The following KLHL29 variants were observed in gnomAD, a reference collection of about 807,000 sequenced individuals.
KLHL29 encodes the protein kelch like family member 29, also known as kelch-like protein 29.
A neutral mutation model predicts 80.4 loss-of-function variants in KLHL29; 21 were observed. That is an observed-to-expected ratio of 0.26 (90% CI 0.19 to 0.38). KLHL29 has a LOEUF of 0.38. KLHL29 is among the 10% of genes least tolerant of loss of function. The pLI, the probability that KLHL29 is intolerant of heterozygous loss-of-function variation, is 1.00. For missense variants in KLHL29, 867 were observed against 1,223.9 expected, an observed-to-expected ratio of 0.71 and a Z score of 4.35; for synonymous variants, 511 against 526.8, an observed-to-expected ratio of 0.97 and a Z score of 0.41.
At chr2:23,664,798 G>A (rs1289379373) in intron 5 of KLHL29, among the ~76,000 whole-genome samples, 1 of 151,794 alleles carries the variant, frequency 6.6e-6, no homozygotes, top group Non-Finnish European at 1.5e-5. Flanking sequence ...CATTGGCAGG[G>A]CCAACCACCA....
intron 1 of KLHL29, among the ~76,000 whole-genome samples, chr2:23,388,991 T>TC (rs1553317241): frequency 6.2e-4 from 38 of 61,366 alleles, no homozygotes; most frequent in African/African-American, 2.4e-3. Flanking sequence ...TTCTTCTTCT[T>TC]TTTTTTTTTT....
At position 23,554,490 on chromosome 2, in the gene KLHL29, C is replaced by T. The variant is rs539036500; in HGVS notation, c.-45-7662C>T. On this transcript the variant is annotated intron_variant, in intron 2 of 13. Transcript: ENST00000486442. ...CTTCGGGGCCCTCACAGCCGGCCGC[C>T]CACTCCTTCGGCGTGTCTTAATGAT... 3.3e-5 allele frequency among the ~76,000 whole-genome samples: 5 copies of T among 152,266 alleles called. No homozygotes were observed. In the East Asian group the frequency reaches 9.6e-4, roughly 29 times the overall value.
intron 5 of KLHL29, among the ~76,000 whole-genome samples, chr2:23,674,798 C>T (rs1440668272): frequency 6.6e-6 from 1 of 151,836 alleles, no homozygotes; most frequent in Non-Finnish European, 1.5e-5. Context: ...CACCCCACTC[C>T]CTGGTAACAA....
intron 2 of KLHL29, among the ~76,000 whole-genome samples, chr2:23,501,716 G>A (rs1665441664): frequency 2.0e-5 from 3 of 152,082 alleles, no homozygotes; most frequent in Admixed American, 1.3e-4. Context: ...CAGCCTATAG[G>A]TCCCCTCTAA....
chr2:23,560,151 A>T (rs1390846983), intron 2 of KLHL29, among the ~76,000 whole-genome samples: 1 of 152,204 alleles, frequency 6.6e-6, no homozygotes, highest in Non-Finnish European at 1.5e-5. Flanking sequence ...CAGGACGAGG[A>T]AACTGGAGCT....
At chr2:23,603,814 A>C (rs1475444702) in intron 3 of KLHL29, among the ~76,000 whole-genome samples, 1 of 152,208 alleles carries the variant, frequency 6.6e-6, no homozygotes, top group Non-Finnish European at 1.5e-5. Context: ...GTCCAGCGGG[A>C]AAGGAAGGCT....
chr2:23,387,046 C>CCGCCGCTGCCAT (rs1666200924), intron 1 of KLHL29, among the ~76,000 whole-genome samples: 1 of 152,062 alleles, frequency 6.6e-6, no homozygotes, highest in Non-Finnish European at 1.5e-5. Context: ...GCTGCCGCCG[C>CCGCCGCTGCCAT]CGCCGCTGCC....
intron 1 of KLHL29, among the ~76,000 whole-genome samples, chr2:23,471,241 G>A (rs532125054): frequency 3.3e-4 from 51 of 152,266 alleles, no homozygotes; most frequent in African/African-American, 1.2e-3. Context: ...ACCCTGGCGG[G>A]GCTGCTTTCT....
intron 2 of KLHL29, among the ~76,000 whole-genome samples, chr2:23,506,354 C>A (rs1289249479): frequency 6.6e-6 from 1 of 152,202 alleles, no homozygotes; most frequent in Non-Finnish European, 1.5e-5. Flanking sequence ...CCACGATGCA[C>A]CTCTGCCATG....
chr2:23,558,200 A>G (rs988535939), intron 2 of KLHL29, among the ~76,000 whole-genome samples: 32 of 65,418 alleles, frequency 4.9e-4, no homozygotes, highest in African/African-American at 8.9e-4. Flanking sequence ...TGGTGAATAC[A>G]TAACATCCTC....
intron 1 of KLHL29, among the ~76,000 whole-genome samples, chr2:23,436,201 G>T (rs1027187298): frequency 1.3e-5 from 2 of 151,944 alleles, no homozygotes; most frequent in African/African-American, 4.8e-5. Flanking sequence ...ATTCCCCGCA[G>T]TGCCTAGATG....
intron 3 of KLHL29, among the ~76,000 whole-genome samples, chr2:23,618,455 A>G (rs771859476): frequency 5.9e-5 from 9 of 152,160 alleles, no homozygotes; most frequent in South Asian, 2.1e-4. Context: ...GTCGGCCTGA[A>G]CAGAACAAAA....
At chr2:23,470,880 A>G (rs1208975946) in intron 1 of KLHL29, among the ~76,000 whole-genome samples, 1 of 152,102 alleles carries the variant, frequency 6.6e-6, no homozygotes, top group Non-Finnish European at 1.5e-5. Flanking sequence ...ACCTTCTGAG[A>G]ATGTTTATTT....
intron 2 of KLHL29, among the ~76,000 whole-genome samples, chr2:23,510,152 A>G (rs1462986954): frequency 6.6e-6 from 1 of 152,126 alleles, no homozygotes; most frequent in Admixed American, 6.5e-5. Context: ...GTGTGAGGCC[A>G]TGTGCTCAGT....
chr2:23,556,141 G>A (rs1237726197), intron 2 of KLHL29, among the ~76,000 whole-genome samples: 1 of 152,216 alleles, frequency 6.6e-6, no homozygotes, highest in Non-Finnish European at 1.5e-5. Flanking sequence ...TGGAGGTGGG[G>A]AGGTGCATCA....
intron 2 of KLHL29, among the ~76,000 whole-genome samples, chr2:23,538,660 T>A (rs1389369519): frequency 6.6e-6 from 1 of 152,254 alleles, no homozygotes; most frequent in African/African-American, 2.4e-5. Flanking sequence ...CTCTGTTAGC[T>A]GTCTGGGCTG....
chr2:23,471,941 T>C (rs939569034), intron 1 of KLHL29, among the ~76,000 whole-genome samples: 5 of 152,198 alleles, frequency 3.3e-5, no homozygotes, highest in Admixed American at 1.3e-4. Flanking sequence ...TATTTTTAAA[T>C]CACTTTTAAA....
At chr2:23,622,239 G>A (rs573938604) in intron 3 of KLHL29, among the ~76,000 whole-genome samples, 6 of 152,210 alleles carry the variant, frequency 3.9e-5, no homozygotes, top group Admixed American at 6.5e-5. Flanking sequence ...ACCCCCAAAG[G>A]CATCACATTC....
intron 2 of KLHL29, among the ~76,000 whole-genome samples, chr2:23,505,934 G>A (rs556509736): frequency 9.9e-5 from 15 of 152,230 alleles, no homozygotes; most frequent in East Asian, 5.8e-4. Flanking sequence ...AGGATGTTCC[G>A]TCTATCACTG....
Sources: allele counts gnomAD v4.1 joint callset (sites outside exome capture counted in the v4.1 genomes callset), GRCh38; gene constraint gnomAD v4.1.1; transcripts MANE v1.5; gene names NCBI Gene and HGNC (gene_info 2026-07-23, HGNC 2026-07-21).